The following PASD1 variants were observed in gnomAD, a reference collection of about 807,000 sequenced individuals.
PASD1 encodes circadian clock protein PASD1.
A neutral mutation model predicts 58.8 loss-of-function variants in PASD1; 13 were observed. That is an observed-to-expected ratio of 0.22 (90% CI 0.14 to 0.35). The LOEUF is 0.35. Among genes scored for constraint, PASD1 ranks in the 10% least tolerant of loss-of-function variants. The pLI is 1.00. For synonymous variants in PASD1, 236 were observed against 216.7 expected, an observed-to-expected ratio of 1.09 and a Z score of -0.78; for missense variants, 734 against 568.3, an observed-to-expected ratio of 1.29 and a Z score of -2.96.
chrX:151,582,825 A>ATT (rs11383907), intron 1 of PASD1, among the ~76,000 whole-genome samples: 18 of 106,869 alleles, frequency 1.7e-4, no homozygotes, highest in Admixed American at 8.1e-4. Context: ...TCTCTCTCCT[A>ATT]TTTTTTTTTC....
chrX:151,588,695 C>T (rs2013204493), intron 1 of PASD1, among the ~76,000 whole-genome samples: 1 of 112,070 alleles, frequency 8.9e-6, no homozygotes, highest in African/African-American at 3.2e-5. Context: ...TTCTAGAGCA[C>T]TAACTAGTTA....
At chrX:151,649,742 A>G (rs2014107752) in intron 9 of PASD1, among the ~76,000 whole-genome samples, 1 of 111,784 alleles carries the variant, frequency 8.9e-6, no homozygotes, top group African/African-American at 3.3e-5. Context: ...GAACTCTTCA[A>G]ATATTTGGTA....
rs2294102 is a variant in PASD1, at chrX:151,673,102, G to A, written c.1916+441G>A. On this transcript the variant is annotated intron_variant, in intron 14 of 15. Transcript: ENST00000370357. Reference sequence around the variant, plus strand: ...TAGGCCAAGTGCAGGTATCTCCCTGGCATTTATGAACAGTAAGAGGGAAGT... The same window carrying A: ...TAGGCCAAGTGCAGGTATCTCCCTGACATTTATGAACAGTAAGAGGGAAGT... 4.5e-5 allele frequency: 6 copies of A among 134,555 alleles called. No individual in the cohort carries two copies. In the East Asian group the frequency reaches 1.1e-3, roughly 24 times the overall value. 11.1% of individuals were successfully genotyped at this position (134,555 alleles called of 1,213,427 possible). A position where few individuals can be genotyped will look rare whatever the true frequency, so the allele number is the denominator to read the frequency against.
At chrX:151,611,870 A>ACAT in intron 4 of PASD1, 117 bp downstream of exon 4, 2 of 489,561 alleles carry the variant, frequency 4.1e-6, no homozygotes, top group Non-Finnish European at 6.6e-6. Context: ...CACAACGTGC[A>ACAT]GGTTTGTTTC....
intron 8 of PASD1, among the ~76,000 whole-genome samples, chrX:151,634,454 C>T (rs1460316777): frequency 9.0e-6 from 1 of 111,163 alleles, no homozygotes; most frequent in Non-Finnish European, 1.9e-5. Context: ...ATCATCTATT[C>T]CACAGTCCAT....
intron 8 of PASD1, among the ~76,000 whole-genome samples, chrX:151,642,724 G>A (rs1818776855): frequency 8.9e-6 from 1 of 112,240 alleles, no homozygotes; most frequent in African/African-American, 3.2e-5. Flanking sequence ...AAAACTTAAT[G>A]ACTTAGAGTG....
intron 1 of PASD1, among the ~76,000 whole-genome samples, chrX:151,582,161 T>C (rs1202086406): frequency 9.1e-6 from 1 of 109,633 alleles, no homozygotes; most frequent in Non-Finnish European, 1.9e-5. Flanking sequence ...TAATTTTTTG[T>C]ATTTTTAGTA....
At chrX:151,602,966 A>G (rs1159528941) in intron 2 of PASD1, among the ~76,000 whole-genome samples, 1 of 112,091 alleles carries the variant, frequency 8.9e-6, no homozygotes, top group Non-Finnish European at 1.9e-5. Flanking sequence ...GTGTCTTCAC[A>G]TGGTTGCTTT....
chrX:151,633,848 A>T (rs2013897719), intron 8 of PASD1, among the ~76,000 whole-genome samples: 1 of 112,309 alleles, frequency 8.9e-6, no homozygotes, highest in African/African-American at 3.2e-5. Context: ...AAATTATCTG[A>T]TATATTTGCC....
At chrX:151,580,887 G>C (rs1039956600) in intron 1 of PASD1, among the ~76,000 whole-genome samples, 13 of 110,808 alleles carry the variant, frequency 1.2e-4, no homozygotes, top group African/African-American at 4.3e-4. Context: ...TACCAATAAA[G>C]TATTGTTTAC....
chrX:151,665,556 T>G (rs1260630188), intron 11 of PASD1, among the ~76,000 whole-genome samples: 1 of 111,201 alleles, frequency 9.0e-6, no homozygotes, highest in Non-Finnish European at 1.9e-5. Context: ...CCGAAGACAC[T>G]GAGAAGGGAA....
In PASD1 at chrX:151,645,474, G is replaced by C. The variant is rs776500696; in HGVS notation, c.630-3141G>C. Among the ~76,000 whole-genome samples the C allele has an allele frequency of 3.0e-3, 339 of 111,990 alleles. 3 individuals are homozygous for C. The highest frequency in any genetic ancestry group is 5.4e-3 in the Non-Finnish European group (286 of 53,230). On this transcript the variant is annotated intron_variant, in intron 8 of 15. Transcript: ENST00000370357. ...AACAACCTTGCATTAAAGTAATTCA[G>C]CAGTGTTGAGCACTTTACCAATGGA...
intron 3 of PASD1, among the ~76,000 whole-genome samples, chrX:151,605,386 G>A (rs952440887): frequency 9.0e-6 from 1 of 111,038 alleles, no homozygotes; most frequent in Admixed American, 9.6e-5. Context: ...AATATTAGAC[G>A]CCTGGAAATT....
intron 11 of PASD1, among the ~76,000 whole-genome samples, chrX:151,670,592 C>G (rs2014453870): frequency 8.9e-6 from 1 of 112,185 alleles, no homozygotes; most frequent in African/African-American, 3.2e-5. Context: ...CTGTGAAGAT[C>G]AGACCTGTGA....
At chrX:151,593,399 C>T (rs1450873851) in intron 1 of PASD1, among the ~76,000 whole-genome samples, 2 of 102,386 alleles carry the variant, frequency 2.0e-5, no homozygotes, top group East Asian at 3.0e-4. Context: ...TCCCCCAACC[C>T]CCCACCCCTG....
At position 151,672,649 on chromosome X, in the gene PASD1, A is replaced by G; in HGVS notation, c.1904A>G (p.Asp635Gly). The change falls in exon 14 of 16, where the codon GAT becomes GGT. Residue 635 changes from aspartate to glycine, a missense_variant. Coordinates refer to ENST00000370357, the MANE Select transcript of PASD1 (RefSeq NM_173493.3). Reference protein sequence around the residue: ...YQDENCGQQEDESQSFYPEAY... With the variant: ...YQDENCGQQEGESQSFYPEAY... Reference sequence around the variant, plus strand: ...GATGAAAACTGTGGGCAACAGGAAGATGAGAGTCAAAGGTAAGACATGCAT... The same window carrying G: ...GATGAAAACTGTGGGCAACAGGAAGGTGAGAGTCAAAGGTAAGACATGCAT... 8.3e-7 allele frequency: 1 copy of G among 1,211,579 alleles called. No individual in the cohort carries two copies. Among genetic ancestry groups the G allele is most frequent in the Non-Finnish European group, 1.1e-6 (1 of 895,337 alleles).
intron 1 of PASD1, among the ~76,000 whole-genome samples, chrX:151,577,581 G>C (rs1302813122): frequency 8.9e-6 from 1 of 111,783 alleles, no homozygotes; most frequent in Non-Finnish European, 1.9e-5. Context: ...CTGGAGTGCA[G>C]TGGTGCGATC....
At chrX:151,584,232 GCTTTT>G (rs1465572883) in intron 1 of PASD1, among the ~76,000 whole-genome samples, 2 of 111,566 alleles carry the variant, frequency 1.8e-5, no homozygotes, top group Non-Finnish European at 3.8e-5. Context: ...AAAAGCAGAA[GCTTTT>G]CTTTTCTTCA....
intron 8 of PASD1, among the ~76,000 whole-genome samples, chrX:151,636,282 T>C (rs912543250): frequency 1.6e-4 from 18 of 112,499 alleles, no homozygotes; most frequent in African/African-American, 5.8e-4. Context: ...TATACCACAA[T>C]TTGTTACGTA....
Sources: allele counts gnomAD v4.1 joint callset (sites outside exome capture counted in the v4.1 genomes callset), GRCh38; gene constraint gnomAD v4.1.1; transcripts MANE v1.5; gene names NCBI Gene and HGNC (gene_info 2026-07-23, HGNC 2026-07-21).